BTG3: variants seen among roughly 807,000 people sequenced by gnomAD.
BTG3 encodes BTG anti-proliferation factor 3.
Under a neutral mutation model 25.8 loss-of-function variants are expected in BTG3, and 4 were observed. That is an observed-to-expected ratio of 0.16 (90% CI 0.08 to 0.36). The LOEUF (loss-of-function observed/expected upper bound fraction) is 0.36. BTG3 is among the 10% of genes least tolerant of loss of function. The pLI is 1.00. For synonymous variants in BTG3, 107 were observed against 99.9 expected (o/e 1.07, Z -0.42); for missense variants, 201 against 304.9 (o/e 0.66, Z 2.54).
intron 1 of BTG3, among the ~76,000 whole-genome samples, chr21:17,609,463 C>A (rs17001906): frequency 6.6e-6 from 1 of 152,092 alleles, no homozygotes; most frequent in Non-Finnish European, 1.5e-5. Flanking sequence ...ATAAATGATA[C>A]GACATAGATG....
rs200953650 is a variant in BTG3 at position 17,609,117 on chromosome 21, A to C, written c.28T>G (p.Phe10Val). 408 of 1,610,592 alleles carry C rather than the reference A, an allele frequency of 2.5e-4. No individual in the cohort carries two copies. The highest frequency in any genetic ancestry group is 4.2e-4 in the East Asian group (19 of 44,884). ...TTTCGAACTAGCCTTGTGAAAAAGA[A>C]GACAACGGCAGCAATTTCATTCTTC... Reference protein sequence around the residue: MKNEIAAVVFFFTRLVRKHD... With the variant: MKNEIAAVVVFFTRLVRKHD... The change falls in exon 2 of 5, where the codon TTC becomes GTC. Residue 10 changes from phenylalanine to valine, a missense_variant. Transcript: ENST00000348354.
chr21:17,612,408 G>A (rs2061743352), intron 1 of BTG3: 1 of 152,272 alleles, frequency 6.6e-6, no homozygotes, highest in South Asian at 2.1e-4. Flanking sequence ...CCCGGAGGCG[G>A]AATGTAACGC....
intron 4 of BTG3, among the ~76,000 whole-genome samples, chr21:17,598,227 G>A (rs1044468335): frequency 6.6e-6 from 1 of 151,926 alleles, no homozygotes; most frequent in Non-Finnish European, 1.5e-5. Context: ...ATTTAGAGAG[G>A]TTTCTCTTTA....
intron 4 of BTG3, among the ~76,000 whole-genome samples, chr21:17,596,345 A>G (rs1195566939): frequency 6.6e-6 from 1 of 152,030 alleles, no homozygotes; most frequent in Non-Finnish European, 1.5e-5. Flanking sequence ...GTGACCCTCT[A>G]GAGGAAATAT....
At chr21:17,598,209 TATA>T (rs2061528457) in intron 4 of BTG3, among the ~76,000 whole-genome samples, 1 of 152,036 alleles carries the variant, frequency 6.6e-6, no homozygotes, top group African/African-American at 2.4e-5. Context: ...TTAATTATAA[TATA>T]ATAAATTTAG....
At chr21:17,607,888 T>C (rs1266928238) in intron 2 of BTG3, among the ~76,000 whole-genome samples, 1 of 152,250 alleles carries the variant, frequency 6.6e-6, no homozygotes, top group Non-Finnish European at 1.5e-5. Flanking sequence ...ACAGTGAGCA[T>C]GCCAGGGCAT....
chr21:17,611,371 G>A (rs540403221), intron 1 of BTG3, among the ~76,000 whole-genome samples: 1 of 152,260 alleles, frequency 6.6e-6, no homozygotes, highest in African/African-American at 2.4e-5. Context: ...CTGAGTTCTG[G>A]ATTTGTTTCT....
In BTG3 at chr21:17,604,928, G is replaced by A; in HGVS notation, c.243C>T (p.Ile81=). Reference sequence around the variant, plus strand: ...TTGGCAAGCCCAGGTCACTATACAAGATGCAGCTGTTTTCACAGGCTTTCA... The same window carrying A: ...TTGGCAAGCCCAGGTCACTATACAAAATGCAGCTGTTTTCACAGGCTTTCA... ...DVLKACENSC[I]LYSDLGLPKE... Residue 81 remains isoleucine, a synonymous_variant, in exon 3 of 5, where the codon ATC becomes ATT. Transcript: ENST00000348354. 2 of 1,614,158 alleles carry A rather than the reference G, an allele frequency of 1.2e-6. No individual in the cohort carries two copies. Among genetic ancestry groups the A allele is most frequent in the Non-Finnish European group, 1.7e-6 (2 of 1,180,024 alleles).
chr21:17,596,349 G>A (rs975528782), intron 4 of BTG3, among the ~76,000 whole-genome samples: 2 of 151,948 alleles, frequency 1.3e-5, no homozygotes, highest in African/African-American at 2.4e-5. Context: ...CCCTCTAGAG[G>A]AAATATTTGC....
intron 2 of BTG3, among the ~76,000 whole-genome samples, chr21:17,608,556 C>T (rs978121118): frequency 8.9e-5 from 13 of 146,070 alleles, no homozygotes; most frequent in African/African-American, 3.2e-4. Flanking sequence ...TTTTTCCATA[C>T]TTTTTTTTTT....
Position 17,599,888 on chromosome 21 carries a change from T to G in BTG3, c.312-1064A>C, listed in dbSNP as rs146258352. Among the ~76,000 whole-genome samples, 179 of 152,312 alleles carry G rather than the reference T, an allele frequency of 1.2e-3. 1 individual carries two copies. The highest frequency in any genetic ancestry group is 4.2e-3 in the African/African-American group (173 of 41,564). ...CCCCAATTAAATAAAAAAGGGGGCC[T>G]GTTATTTATACTCACAAAAATGAGA... On this transcript the variant is annotated intron_variant, in intron 3 of 4. Transcript: ENST00000348354.
chr21:17,600,197 A>G (rs1474940078), intron 3 of BTG3, among the ~76,000 whole-genome samples: 2 of 152,216 alleles, frequency 1.3e-5, no homozygotes, highest in Non-Finnish European at 2.9e-5. Flanking sequence ...TAAAACCAAG[A>G]GTTTTTATTC....
At chr21:17,601,419 AAGGTCAAGGC>A (rs1272208630) in intron 3 of BTG3, among the ~76,000 whole-genome samples, 1 of 152,056 alleles carries the variant, frequency 6.6e-6, no homozygotes, top group Non-Finnish European at 1.5e-5. Context: ...AGTACTTTGG[AAGGTCAAGGC>A]AGGAAGATTG....
At chr21:17,598,024 T>C (rs950077792) in intron 4 of BTG3, among the ~76,000 whole-genome samples, 10 of 152,184 alleles carry the variant, frequency 6.6e-5, no homozygotes, top group Non-Finnish European at 1.5e-4. Flanking sequence ...AAAATATCTT[T>C]CCTGTTGAAG....
Position 17,594,188 on chromosome 21 carries a change from G to A in BTG3, c.664C>T (p.Pro222Ser). ...CATGTCACTGGAATTGGGCGATATG[G>A]TTTATTTTTTCTTCCCTGATTTGGA... ...GYPNQGRKNKPYRPIPVTWVP... is the reference protein window; with the variant it reads ...GYPNQGRKNKSYRPIPVTWVP... Residue 222 changes from proline (P) to serine (S), a missense_variant, in exon 5 of 5, where the codon CCA (proline) becomes TCA (serine). Physicochemically the swap from Pro to Ser is moderately conservative, Grantham distance 74. This residue lies in a region of BTG3 where 131 missense variants were observed against 129.3 expected (regional missense o/e 1.01). Transcript: ENST00000348354. The A allele has an allele frequency of 1.2e-6, 2 of 1,613,330 alleles. No individual in the cohort carries two copies. Among genetic ancestry groups the A allele is most frequent in the Non-Finnish European group, 1.7e-6 (2 of 1,179,420 alleles).
chr21:17,594,331 A>T lies in BTG3; in HGVS notation c.521T>A (p.Ile174Asn), dbSNP rs762983299. Residue 174 changes from isoleucine to asparagine, a missense_variant and splice_region_variant, in exon 5 of 5, where the codon ATT (isoleucine) becomes AAT (asparagine). By Grantham distance (149) the Ile-to-Asn change is moderately radical. Around this residue, in one of 2 missense-constraint regions of BTG3, gnomAD observed 131 missense variants for 129.3 expected, o/e 1.01. Transcript: ENST00000348354. ...AAGAGGTGGAAATATAAGTTCTGAA[A>T]TCTGTAGGGAAGAGAACACATTAAG... Reference protein sequence around the residue: ...VTAAASPVYQISELIFPPLPM... With the variant: ...VTAAASPVYQNSELIFPPLPM... 6.2e-7 allele frequency: 1 copy of T among 1,612,490 alleles called. No individual in the cohort carries two copies. The highest frequency in any genetic ancestry group is 8.5e-7 in the Non-Finnish European group (1 of 1,179,008).
rs989314726 is a variant in BTG3, at chr21:17,604,512, T to G, written c.311+348A>C. Among the ~76,000 whole-genome samples, 17 of 152,228 alleles carry G rather than the reference T, an allele frequency of 1.1e-4. 2 individuals carry two copies. The South Asian group carries it at 3.5e-3, about 32-fold the overall frequency. ...CAAACCAAAAGTGGTTATCCAGTAT[T>G]ATTTGGGATTAGCTTCTTAATTTGA... On this transcript the variant is annotated intron_variant, in intron 3 of 4. Coordinates refer to ENST00000348354, the MANE Select transcript of BTG3 (RefSeq NM_006806.5).
At chr21:17,599,318 C>G (rs1230331844) in intron 3 of BTG3, among the ~76,000 whole-genome samples, 9 of 151,774 alleles carry the variant, frequency 5.9e-5, no homozygotes, top group Non-Finnish European at 1.2e-4. Context: ...GAGGCTGGGA[C>G]TACAGGAGTG....
intron 2 of BTG3, among the ~76,000 whole-genome samples, chr21:17,608,478 C>A (rs1484172873): frequency 6.6e-6 from 1 of 151,842 alleles, no homozygotes; most frequent in Admixed American, 6.6e-5. Flanking sequence ...CTGACTTCTA[C>A]CACAAATATA....
Sources: gnomAD v4.1 joint callset for allele counts (sites outside exome capture counted in the v4.1 genomes callset) on GRCh38, gnomAD v4.1.1 for gene constraint, gnomAD v4.1.1 regional missense constraint, MANE v1.5 for transcripts, NCBI Gene and HGNC (gene_info 2026-07-23, HGNC 2026-07-21) for gene names.